The following DMAC2L variants were observed in gnomAD, a reference collection of about 807,000 sequenced individuals.
The protein encoded by DMAC2L is ATP synthase subunit s, mitochondrial.
Under a neutral mutation model 22.5 loss-of-function variants are expected in DMAC2L, and 21 were observed. The ratio of observed to expected loss-of-function variants is 0.93; its 90% CI spans 0.66 to 1.34. The LOEUF (loss-of-function observed/expected upper bound fraction) is 1.34. Ranked by LOEUF, DMAC2L falls within the 40% of genes most tolerant of loss-of-function variation. The probability of loss-of-function intolerance (pLI) is 0.00; values close to 1 mark genes in which losing one functional copy is unlikely to be tolerated. For synonymous variants in DMAC2L, 86 were observed against 89.5 expected (o/e 0.96, Z 0.22); for missense variants, 239 against 246.5 (o/e 0.97, Z 0.20).
Position 50,312,396 on chromosome 14 carries a change from A to G in DMAC2L, c.-42+7A>G, listed in dbSNP as rs1301884556. The G allele has an allele frequency of 1.8e-6, 1 of 561,836 alleles. No individual in the cohort carries two copies. Among genetic ancestry groups the G allele is most frequent in the African/African-American group, 1.9e-5 (1 of 51,876 alleles). 34.8% of individuals were successfully genotyped at this position (561,836 alleles called of 1,614,324 possible). On this transcript the variant is annotated splice_region_variant and intron_variant, in intron 1 of 5. Transcript: ENST00000557421. ...CCTCCCTCCCTCCGACGCTGTGAGT[A>G]GAGAAGCTAGGCCCCGAGCCGGGCG...
chr14:50,312,739 C>T, intron 1 of DMAC2L: 1 of 431,666 alleles, frequency 2.3e-6, no homozygotes, highest in Non-Finnish European at 4.1e-6. Flanking sequence ...CCAGCCCAGT[C>T]GAGCGTCCAC....
At chr14:50,312,082 G>C (rs757365260), upstream of DMAC2L, 21 of 1,605,084 alleles carry the variant, frequency 1.3e-5, no homozygotes, top group Admixed American at 2.9e-4. Flanking sequence ...ACGCCCCAGG[G>C]GAGCCACCGG....
intron 1 of DMAC2L, chr14:50,312,667 C>T: frequency 3.2e-6 from 1 of 309,606 alleles, no homozygotes. Context: ...GGTCCTCGCT[C>T]GGCCCCGCAC....
At chr14:50,323,290 C>T (rs1277339257) in intron 4 of DMAC2L, among the ~76,000 whole-genome samples, 2 of 151,338 alleles carry the variant, frequency 1.3e-5, no homozygotes, top group Non-Finnish European at 2.9e-5. Flanking sequence ...GGGGTTTCAC[C>T]GTGTTAGCCA....
In DMAC2L at chr14:50,326,883, T is replaced by C. The variant is rs2032725352; in HGVS notation, c.*1160T>C. On this transcript the variant is annotated 3_prime_UTR_variant, in exon 6 of 6. Coordinates refer to ENST00000557421, the MANE Select transcript of DMAC2L (RefSeq NM_001382507.1). Reference sequence around the variant, plus strand: ...CAGTGAGACCCCATCTCTAAAAAAATTTTAAAAATTAGGCAGGCATGGTGG... The same window carrying C: ...CAGTGAGACCCCATCTCTAAAAAAACTTTAAAAATTAGGCAGGCATGGTGG... The C allele has an allele frequency of 2.4e-6, 1 of 424,954 alleles. No homozygotes were observed. The highest frequency in any genetic ancestry group is 1.0e-4 in the South Asian group (1 of 10,026). 26.3% of individuals were successfully genotyped at this position (424,954 alleles called of 1,614,324 possible). A position where few individuals can be genotyped will look rare whatever the true frequency, so the allele number is the denominator to read the frequency against.
intron 1 of DMAC2L, among the ~76,000 whole-genome samples, chr14:50,314,134 A>C (rs1416335547): frequency 6.6e-6 from 1 of 152,172 alleles, no homozygotes; most frequent in Admixed American, 6.5e-5. Context: ...TCCCCACCCA[A>C]ATCTCATCTT....
chr14:50,324,208 A>T (rs2032519663), intron 5 of DMAC2L, 92 bp downstream of exon 5: 2 of 1,333,226 alleles, frequency 1.5e-6, no homozygotes, highest in Non-Finnish European at 2.0e-6. Flanking sequence ...GTCTTTTTTT[A>T]GTTCTAAAAA....
chr14:50,312,278 TG>T, upstream of DMAC2L: 2 of 1,389,820 alleles, frequency 1.4e-6, no homozygotes, highest in Non-Finnish European at 2.0e-6. Context: ...TCGCCCCATG[TG>T]GGAGAGGCTG....
chr14:50,319,181 A>G (rs568470209), intron 2 of DMAC2L: 40 of 1,535,392 alleles, frequency 2.6e-5, no homozygotes, highest in African/African-American at 1.2e-4. Flanking sequence ...GAGTTATTCA[A>G]GGTGGGCACA....
chr14:50,326,413 C>T lies in DMAC2L; in HGVS notation c.*690C>T. On this transcript the variant is annotated 3_prime_UTR_variant, in exon 6 of 6. Transcript: ENST00000557421. ...CTTTAAAGTTAGTGAAGCATACTAC[C>T]ATAAATGCACAATTATGAAAAATTA... 1 of 968,148 alleles carries T rather than the reference C, an allele frequency of 1.0e-6. No homozygotes were observed. Among genetic ancestry groups the T allele is most frequent in the Non-Finnish European group, 1.2e-6 (1 of 814,352 alleles). 60.0% of individuals were successfully genotyped at this position (968,148 alleles called of 1,614,324 possible).
At position 50,327,761 on chromosome 14, in the gene DMAC2L, A is replaced by G. The variant is rs565307234; in HGVS notation, c.*2038A>G. The G allele has an allele frequency of 2.4e-4, 36 of 152,280 alleles. No homozygotes were observed. The highest frequency in any genetic ancestry group is 7.7e-4 in the African/African-American group (32 of 41,548). 9.4% of individuals were successfully genotyped at this position (152,280 alleles called of 1,614,324 possible). A position where few individuals can be genotyped will look rare whatever the true frequency, so the allele number is the denominator to read the frequency against. ...CCACCGCGCCCAGCCTGGTTTGAACATTATTAAGCTGTTGAATATAAACTT... is the reference window on the plus strand; with the variant it reads ...CCACCGCGCCCAGCCTGGTTTGAACGTTATTAAGCTGTTGAATATAAACTT... On this transcript the variant is annotated 3_prime_UTR_variant, in exon 6 of 6. Transcript: ENST00000557421.
At chr14:50,318,728 C>G (rs1435137274) in intron 2 of DMAC2L, among the ~76,000 whole-genome samples, 1 of 151,986 alleles carries the variant, frequency 6.6e-6, no homozygotes, top group African/African-American at 2.4e-5. Flanking sequence ...TAACTGAAAA[C>G]TCTTAATCAT....
chr14:50,321,908 T>C (rs1167202810), intron 3 of DMAC2L, among the ~76,000 whole-genome samples: 1 of 152,226 alleles, frequency 6.6e-6, no homozygotes, highest in Non-Finnish European at 1.5e-5. Context: ...TTTATTTTTA[T>C]GGCTTTTTAA....
chr14:50,324,353 C>T (rs926889654), intron 5 of DMAC2L: 25 of 271,784 alleles, frequency 9.2e-5, no homozygotes, highest in Non-Finnish European at 1.6e-4. Context: ...CATTAAGCAC[C>T]TAGCATGGTG....
At chr14:50,325,505 A>C (rs1262990659) in intron 5 of DMAC2L, 104 bp from the exon 6 acceptor site, 1 of 1,351,806 alleles carries the variant, frequency 7.4e-7, no homozygotes, top group Non-Finnish European at 1.0e-6. Flanking sequence ...GCATAGGGTG[A>C]TATAGATTCA....
Position 50,325,961 on chromosome 14 carries a change from G to C in DMAC2L, c.*238G>C. The C allele has an allele frequency of 8.9e-7, 1 of 1,124,322 alleles. No individual in the cohort carries two copies. Among genetic ancestry groups the C allele is most frequent in the Non-Finnish European group, 1.1e-6 (1 of 913,668 alleles). The allele number at this position is 1,124,322 out of a possible 1,614,324, so 69.6% of individuals were successfully genotyped here. A position where few individuals can be genotyped will look rare whatever the true frequency, so the allele number is the denominator to read the frequency against. On this transcript the variant is annotated 3_prime_UTR_variant, in exon 6 of 6. Transcript: ENST00000557421. The stretch of plus-strand genomic sequence containing the variant: ...TAAGAAAAGTGCAGCCAGGCGCAGT[G>C]GCTCATGCCTGTAATCCTAGCACTT...
intron 2 of DMAC2L, among the ~76,000 whole-genome samples, chr14:50,319,514 A>G (rs1454943966): frequency 6.6e-6 from 1 of 152,186 alleles, no homozygotes; most frequent in Non-Finnish European, 1.5e-5. Context: ...TTAGTCATGA[A>G]ACATTGAGCA....
At chr14:50,312,555 G>C in intron 1 of DMAC2L, 166 bp downstream of exon 1, 1 of 300,286 alleles carries the variant, frequency 3.3e-6, no homozygotes, top group Non-Finnish European at 6.2e-6. Flanking sequence ...AACTCTGGGC[G>C]GGATTACGGT....
At chr14:50,315,247 T>C (rs1187954310) in intron 2 of DMAC2L, among the ~76,000 whole-genome samples, 2 of 150,422 alleles carry the variant, frequency 1.3e-5, no homozygotes, top group African/African-American at 4.9e-5. Context: ...ATTACAGGCA[T>C]GAGCCACTGC....
Sources: allele counts gnomAD v4.1 joint callset (sites outside exome capture counted in the v4.1 genomes callset), GRCh38; gene constraint gnomAD v4.1.1; transcripts MANE v1.5; gene names NCBI Gene and HGNC (gene_info 2026-07-23, HGNC 2026-07-21).